The following APBB3 variants were observed in gnomAD, a reference collection of about 807,000 sequenced individuals.
APBB3 encodes amyloid-beta A4 precursor protein-binding family B member 3.
In APBB3, 50 loss-of-function variants were observed where a neutral mutation model predicts 61.5. The observed-to-expected ratio is 0.81, with a 90% CI of 0.65 to 1.03. APBB3 has a LOEUF of 1.03. APBB3 is among the 50% of genes least tolerant of loss of function. The pLI, the probability that APBB3 is intolerant of heterozygous loss-of-function variation, is 0.00. For synonymous variants in APBB3, 235 were observed against 233.0 expected, an observed-to-expected ratio of 1.01 and a Z score of -0.08; for missense variants, 550 against 637.4, an observed-to-expected ratio of 0.86 and a Z score of 1.48.
intron 12 of APBB3, among the ~76,000 whole-genome samples, chr5:140,559,820 G>C (rs1359897534): frequency 6.6e-6 from 1 of 152,250 alleles, no homozygotes; most frequent in Non-Finnish European, 1.5e-5. Flanking sequence ...AGTGTTTTGT[G>C]AAGGCAAGGG....
Position 140,564,211 on chromosome 5 carries a change from A to G in APBB3, c.35T>C (p.Leu12Pro), listed in dbSNP as rs773705124. 7 of 1,613,870 alleles carry G rather than the reference A, an allele frequency of 4.3e-6. No individual in the cohort carries two copies. The highest frequency in any genetic ancestry group is 5.9e-6 in the Non-Finnish European group (7 of 1,180,030). ...TCCGTGCACACCATCGCAGTTGACC[A>G]GAATGATGGCCAGCATGTAATCCTT... ...LGKDYMLAII[L>P]VNCDDDLWGD... Residue 12 changes from leucine to proline, a missense_variant, in exon 1 of 13, where the codon CTG becomes CCG. Leu to Pro is a moderately conservative substitution (Grantham distance 98). Transcript: ENST00000357560. This position sits in a 1 kb window ranked among gnomAD's most constrained non-coding sequence, Gnocchi z 5.0.
Position 140,560,585 on chromosome 5 carries a change from C to A in APBB3, c.1032+54G>T. 1 of 1,607,200 alleles carries A rather than the reference C, an allele frequency of 6.2e-7. No individual in the cohort carries two copies. ...CTTTTCCGACAGCAAGCAGTGACCC[C>A]TCAGCATCCCTGCTCACCCCTCCAA... On this transcript the variant is annotated intron_variant, in intron 11 of 12. Coordinates refer to ENST00000357560, the MANE Select transcript of APBB3 (RefSeq NM_133173.3). This position sits in a 1 kb window ranked among gnomAD's most constrained non-coding sequence, Gnocchi z 5.1.
chr5:140,564,579 G>A lies in APBB3; in HGVS notation c.-334C>T, dbSNP rs1191366006. The A allele has an allele frequency of 6.2e-6, 3 of 481,706 alleles. No individual in the cohort carries two copies. The highest frequency in any genetic ancestry group is 1.1e-5 in the Non-Finnish European group (3 of 273,602). The allele number at this position is 481,706 out of a possible 1,614,324, so 29.8% of individuals were successfully genotyped here. ...ACTATGAACTCATCAGGCGCCTGAA[G>A]ACCGACACGCCGAACATGCGCCGCG... On this transcript the variant is annotated 5_prime_UTR_variant, in exon 1 of 13. Transcript: ENST00000357560. The surrounding 1 kb of genome is among the most constrained non-coding windows in gnomAD (Gnocchi z 5.0).
chr5:140,564,356 C>A lies in APBB3; in HGVS notation c.-111G>T. 7.4e-7 allele frequency: 1 copy of A among 1,350,586 alleles called. No individual in the cohort carries two copies. Among genetic ancestry groups the A allele is most frequent in the Non-Finnish European group, 1.0e-6 (1 of 975,926 alleles). 83.7% of individuals were successfully genotyped at this position (1,350,586 alleles called of 1,614,324 possible). ...CCTCTCTGCGCCGCAGGCTGCGGGG[C>A]CAGCTGGCGCCGCACAAATACGGGG... is the stretch of plus-strand genomic sequence containing the variant. On this transcript the variant is annotated 5_prime_UTR_variant, in exon 1 of 13. Coordinates refer to ENST00000357560, the MANE Select transcript of APBB3 (RefSeq NM_133173.3). The surrounding 1 kb of genome is among the most constrained non-coding windows in gnomAD (Gnocchi z 5.0).
Position 140,561,201 on chromosome 5 carries a change from G to A in APBB3, c.833-100C>T, listed in dbSNP as rs1320406659. 6.7e-6 allele frequency: 10 copies of A among 1,491,076 alleles called. No homozygotes were observed. In the African/African-American group the frequency reaches 1.4e-4, roughly 21 times the overall value. The allele number at this position is 1,491,076 out of a possible 1,614,324, so 92.4% of individuals were successfully genotyped here. A position where few individuals can be genotyped will look rare whatever the true frequency, so the allele number is the denominator to read the frequency against. ...ACTCAGGTCAGAGCTGGTGCTGGTA[G>A]AAGAAATGGCTCATAGATGCTCCTC... On this transcript the variant is annotated intron_variant, in intron 9 of 12. Coordinates refer to ENST00000357560, the MANE Select transcript of APBB3 (RefSeq NM_133173.3).
chr5:140,560,477 A>G lies in APBB3; in HGVS notation c.1060T>C (p.Leu354=), dbSNP rs374727989. The G allele has an allele frequency of 1.1e-4, 177 of 1,613,990 alleles. 1 individual carries two copies. The highest frequency in any genetic ancestry group is 8.7e-4 in the South Asian group (79 of 91,064). The change falls in exon 12 of 13, where the codon TTG becomes CTG. Residue 354 remains leucine (L), a synonymous_variant. Transcript: ENST00000357560. This position sits in a 1 kb window ranked among gnomAD's most constrained non-coding sequence, Gnocchi z 5.1. ...QAEASTEEEP[L]WQCPVRLVTF... ...ACAAGGCGCACAGGGCACTGCCACAATGGCTCCTCCTCTGTACTGGCCTCT... is the reference window on the plus strand; with the variant it reads ...ACAAGGCGCACAGGGCACTGCCACAGTGGCTCCTCCTCTGTACTGGCCTCT...
In APBB3 at chr5:140,560,991, AC is replaced by A; in HGVS notation, c.916+26del. 1 of 1,608,046 alleles carries A rather than the reference AC, an allele frequency of 6.2e-7. No individual in the cohort carries two copies. The highest frequency in any genetic ancestry group is 1.1e-5 in the South Asian group (1 of 90,986). ...ACCTTCCCCTTGCCTCACACAGCCCACCACATGCAGCCCCCTCAGTCCTCAC... is the reference window on the plus strand; with the variant it reads ...ACCTTCCCCTTGCCTCACACAGCCCACACATGCAGCCCCCTCAGTCCTCAC... On this transcript the variant is annotated intron_variant, in intron 10 of 12. Coordinates refer to ENST00000357560, the MANE Select transcript of APBB3 (RefSeq NM_133173.3). This position sits in a 1 kb window ranked among gnomAD's most constrained non-coding sequence, Gnocchi z 5.1.
rs1479978208 is a variant in APBB3 at position 140,562,117 on chromosome 5, C to T, written c.609G>A (p.Val203=). 2 of 1,614,092 alleles carry T rather than the reference C, an allele frequency of 1.2e-6. No individual in the cohort carries two copies. Among genetic ancestry groups the T allele is most frequent in the African/African-American group, 1.3e-5 (1 of 75,046 alleles). ...QPLVHIRVWG[V]GSSKGRDRDF... ...ATCCTCACCGGCCCTTGGAGCTCCC[C>T]ACGCCCCACACACGGATGTGCACCA... The change falls in exon 6 of 13, where the codon GTG becomes GTA. Residue 203 remains valine, a synonymous_variant. Transcript: ENST00000357560.
Position 140,558,268 on chromosome 5 carries a change from T to C in APBB3, c.*317A>G. ...CCAGGCCCAATATACTCACATCCAG[T>C]GAGGTCACTGAGGGATTTTTATTTG... On this transcript the variant is annotated 3_prime_UTR_variant, in exon 13 of 13. Coordinates refer to ENST00000357560, the MANE Select transcript of APBB3 (RefSeq NM_133173.3). 1 of 398,554 alleles carries C rather than the reference T, an allele frequency of 2.5e-6. No homozygotes were observed. Among genetic ancestry groups the C allele is most frequent in the Non-Finnish European group, 4.6e-6 (1 of 217,970 alleles). The allele number at this position is 398,554 out of a possible 1,614,324, so 24.7% of individuals were successfully genotyped here. A position where few individuals can be genotyped will look rare whatever the true frequency, so the allele number is the denominator to read the frequency against.
At chr5:140,561,326 G>A in intron 9 of APBB3, 39 bp downstream of exon 9, 5 of 1,607,064 alleles carry the variant, frequency 3.1e-6, no homozygotes, top group Non-Finnish European at 4.3e-6. Context: ...CAGCACCAAA[G>A]CACCCCAATG....
At position 140,564,405 on chromosome 5, in the gene APBB3, C is replaced by G; in HGVS notation, c.-160G>C. Reference sequence around the variant, plus strand: ...GGCGGGACACGGGGCGGGACACGGGCCGGTCCCGGGGGAGGGCCTGAGCCG... The same window carrying G: ...GGCGGGACACGGGGCGGGACACGGGGCGGTCCCGGGGGAGGGCCTGAGCCG... On this transcript the variant is annotated 5_prime_UTR_variant, in exon 1 of 13. Coordinates refer to ENST00000357560, the MANE Select transcript of APBB3 (RefSeq NM_133173.3). This position sits in a 1 kb window ranked among gnomAD's most constrained non-coding sequence, Gnocchi z 5.0. The G allele has an allele frequency of 1.2e-6, 1 of 853,390 alleles. No homozygotes were observed. The highest frequency in any genetic ancestry group is 1.8e-6 in the Non-Finnish European group (1 of 555,776). 52.9% of individuals were successfully genotyped at this position (853,390 alleles called of 1,614,324 possible).
chr5:140,559,178 G>A (rs1754838900), intron 12 of APBB3, among the ~76,000 whole-genome samples: 1 of 152,194 alleles, frequency 6.6e-6, no homozygotes, highest in African/African-American at 2.4e-5. Context: ...AGTTCTCTCT[G>A]ATTGCAGAGC....
In APBB3 at chr5:140,562,420, T is replaced by C. The variant is rs529364783; in HGVS notation, c.431A>G (p.Asn144Ser). Residue 144 changes from asparagine to serine, a missense_variant, in exon 5 of 13, where the codon AAT becomes AGT. By Grantham distance (46) the Asn-to-Ser change is conservative. Coordinates refer to ENST00000357560, the MANE Select transcript of APBB3 (RefSeq NM_133173.3). ...LAPGKSSIAVNNCIQQLAQTR... is the reference protein window; with the variant it reads ...LAPGKSSIAVSNCIQQLAQTR... ...CTGGGCCAGCTGCTGGATACAGTTA[T>C]TGACTGCAATACTGCTCTTCCCCGG... 37 of 1,614,074 alleles carry C rather than the reference T, an allele frequency of 2.3e-5. No individual in the cohort carries two copies. Among genetic ancestry groups the C allele is most frequent in the Non-Finnish European group, 2.8e-5 (33 of 1,180,038 alleles).
chr5:140,562,946 AG>A, intron 3 of APBB3: 1 of 558,476 alleles, frequency 1.8e-6, no homozygotes, highest in Middle Eastern at 4.3e-4. Context: ...CACAGGACAT[AG>A]AATAAAAGTC....
chr5:140,559,771 G>T (rs138361756), intron 12 of APBB3, among the ~76,000 whole-genome samples: 1 of 152,316 alleles, frequency 6.6e-6, no homozygotes, highest in East Asian at 1.9e-4. Context: ...TCAACCAGTG[G>T]TGTACAACTT....
rs775829784 is a variant in APBB3, at chr5:140,560,341, A to G, written c.1196T>C (p.Leu399Pro). 2.2e-5 allele frequency: 36 copies of G among 1,613,968 alleles called. No individual in the cohort carries two copies. The highest frequency in any genetic ancestry group is 1.6e-4 in the Middle Eastern group (1 of 6,084). Residue 399 changes from leucine (L) to proline (P), a missense_variant, in exon 12 of 13, where the codon CTC (leucine) becomes CCC (proline). Around this residue, in one of 3 missense-constraint regions of APBB3, gnomAD observed 138 missense variants for 132.6 expected, o/e 1.04. Transcript: ENST00000357560. This position sits in a 1 kb window ranked among gnomAD's most constrained non-coding sequence, Gnocchi z 5.1. ...AFWCQPHAGG[L>P]SEAVQAACMV... is the part of the protein sequence containing the mutation. ...ACAGGCAGCCTGCACAGCTTCAGAG[A>G]GTCCCCCTGCATGGGGCTGGCACCA...
Position 140,563,790 on chromosome 5 carries a change from G to C in APBB3, c.175C>G (p.Pro59Ala). ...TCTGCATCTCCTAGTTCCCAGGTTG[G>C]GCGCTGCCACTGGGTGCTACCGCTG... is the stretch of plus-strand genomic sequence containing the variant. ...VPSGSTQWQR[P>A]TWELGDAEDP... Residue 59 changes from proline to alanine, a missense_variant, in exon 2 of 13, where the codon CCA becomes GCA. Transcript: ENST00000357560. 6.2e-7 allele frequency: 1 copy of C among 1,614,136 alleles called. No individual in the cohort carries two copies. The highest frequency in any genetic ancestry group is 8.5e-7 in the Non-Finnish European group (1 of 1,180,016).
rs781561764 is a variant in APBB3 at position 140,558,698 on chromosome 5, G to A, written c.1348C>T (p.Leu450Phe). ...SMDSPGGPLP[L>F]PLLKGGVGGA... ...CCAACCCCTCCTTTGAGCAGGGGGA[G>A]GGGCAGGGGACCTCCTGGGGAATCC... Residue 450 changes from leucine to phenylalanine, a missense_variant, in exon 13 of 13, where the codon CTC (leucine) becomes TTC (phenylalanine). This residue lies in a region of APBB3 where 138 missense variants were observed against 132.6 expected (regional missense o/e 1.04). Transcript: ENST00000357560. 8 of 1,611,262 alleles carry A rather than the reference G, an allele frequency of 5.0e-6. No homozygotes were observed. Among genetic ancestry groups the A allele is most frequent in the South Asian group, 1.1e-5 (1 of 90,828 alleles).
Position 140,562,087 on chromosome 5 carries a change from T to C in APBB3, c.626+13A>G, listed in dbSNP as rs1283194407. 6 of 1,613,488 alleles carry C rather than the reference T, an allele frequency of 3.7e-6. No homozygotes were observed. The highest frequency in any genetic ancestry group is 1.3e-5 in the African/African-American group (1 of 74,906). ...AGAAGTAGCTCTTGCTTGGGGGATG[T>C]AGGCATCCTCACCGGCCCTTGGAGC... is the stretch of plus-strand genomic sequence containing the variant. On this transcript the variant is annotated intron_variant, in intron 6 of 12. Coordinates refer to ENST00000357560, the MANE Select transcript of APBB3 (RefSeq NM_133173.3).
Sources: allele counts gnomAD v4.1 joint callset (sites outside exome capture counted in the v4.1 genomes callset), GRCh38; gene constraint gnomAD v4.1.1; regional missense constraint gnomAD v4.1.1; non-coding constraint Gnocchi (gnomAD v3.1); transcripts MANE v1.5; gene names NCBI Gene and HGNC (gene_info 2026-07-23, HGNC 2026-07-21).